Variants in VOPP1 observed in about 807,000 individuals in gnomAD.
VOPP1 encodes the protein VOPP1 WW domain binding protein.
A neutral mutation model predicts 23.5 loss-of-function variants in VOPP1; 8 were observed. That is an observed-to-expected ratio of 0.34 (90% CI 0.20 to 0.61). The LOEUF (loss-of-function observed/expected upper bound fraction) is 0.61. Ranked by LOEUF, VOPP1 falls within the 20% of genes least tolerant of loss-of-function variation. The pLI is 0.78. For missense variants in VOPP1, 174 were observed against 238.1 expected, an observed-to-expected ratio of 0.73 and a Z score of 1.77; for synonymous variants, 83 against 97.3, an observed-to-expected ratio of 0.85 and a Z score of 0.86.
At chr7:55,528,873 T>C (rs1796335320) in intron 1 of VOPP1, among the ~76,000 whole-genome samples, 1 of 152,086 alleles carries the variant, frequency 6.6e-6, no homozygotes, top group South Asian at 2.1e-4. Flanking sequence ...TCATGGAAAA[T>C]GTTTATGTCA....
intron 1 of VOPP1, among the ~76,000 whole-genome samples, chr7:55,530,258 T>C (rs1796425193): frequency 6.6e-6 from 1 of 152,160 alleles, no homozygotes; most frequent in Admixed American, 6.5e-5. Context: ...CTAACACTTA[T>C]TATCTGTTTT....
chr7:55,539,840 A>G (rs189832541), intron 1 of VOPP1, among the ~76,000 whole-genome samples: 3 of 152,130 alleles, frequency 2.0e-5, no homozygotes, highest in African/African-American at 7.2e-5. Flanking sequence ...ATATATACAC[A>G]CATACACGCA....
chr7:55,468,166 G>A (rs1791678977), downstream of VOPP1, among the ~76,000 whole-genome samples: 1 of 151,820 alleles, frequency 6.6e-6, no homozygotes, highest in Non-Finnish European at 1.5e-5. Flanking sequence ...AGCTAGTCAG[G>A]AGGCTGAGGC....
At chr7:55,499,470 C>T (rs1289213368) in intron 2 of VOPP1, among the ~76,000 whole-genome samples, 1 of 152,202 alleles carries the variant, frequency 6.6e-6, no homozygotes, top group East Asian at 1.9e-4. Flanking sequence ...CTGCTCTGTG[C>T]TTTCCTGAGG....
At chr7:55,538,471 G>C (rs1796938888) in intron 1 of VOPP1, 4 of 623,404 alleles carry the variant, frequency 6.4e-6, no homozygotes, top group African/African-American at 3.7e-5. Flanking sequence ...CTAAACACAA[G>C]CCCTTCCTGC....
At chr7:55,487,250 C>G (rs1250111156) in intron 4 of VOPP1, among the ~76,000 whole-genome samples, 1 of 152,152 alleles carries the variant, frequency 6.6e-6, no homozygotes, top group Non-Finnish European at 1.5e-5. Flanking sequence ...AATGAACAGT[C>G]AGAAACCTAT....
At chr7:55,453,808 C>T (rs1791300525) in intron 4 of VOPP1, among the ~76,000 whole-genome samples, 1 of 152,112 alleles carries the variant, frequency 6.6e-6, no homozygotes, top group African/African-American at 2.4e-5. Context: ...AGGGTTGTCA[C>T]AAACTTTCAA....
intron 1 of VOPP1, among the ~76,000 whole-genome samples, chr7:55,560,649 A>G (rs1797955146): frequency 6.6e-6 from 1 of 152,166 alleles, no homozygotes. Context: ...AGGGAAGATA[A>G]TAAATCTGGA....
At chr7:55,492,196 G>A in intron 4 of VOPP1, 86 bp downstream of exon 4, 1 of 1,483,374 alleles carries the variant, frequency 6.7e-7, no homozygotes, top group Non-Finnish European at 9.0e-7. Flanking sequence ...TCTTCTGGCA[G>A]TACCCTTTCT....
chr7:55,488,960 G>A (rs1261243262), intron 4 of VOPP1, among the ~76,000 whole-genome samples: 2 of 152,186 alleles, frequency 1.3e-5, no homozygotes, highest in Non-Finnish European at 2.9e-5. Flanking sequence ...ACTCTGTGTG[G>A]CCCTCCTCTC....
At chr7:55,483,683 C>G (rs1792911463) in intron 4 of VOPP1, among the ~76,000 whole-genome samples, 1 of 152,230 alleles carries the variant, frequency 6.6e-6, no homozygotes, top group Non-Finnish European at 1.5e-5. Flanking sequence ...GTTACTTTCC[C>G]ATGTCATGCT....
chr7:55,532,540 A>G (rs533251652), intron 1 of VOPP1, among the ~76,000 whole-genome samples: 1 of 152,354 alleles, frequency 6.6e-6, no homozygotes, highest in African/African-American at 2.4e-5. Context: ...TTGTGTCTCT[A>G]TGGAGAGTGA....
chr7:55,536,715 C>T (rs1466263772), intron 1 of VOPP1, among the ~76,000 whole-genome samples: 2 of 152,128 alleles, frequency 1.3e-5, no homozygotes, highest in Non-Finnish European at 2.9e-5. Context: ...GATATAAAAA[C>T]AACTCGTGTT....
downstream of VOPP1, among the ~76,000 whole-genome samples, chr7:55,435,514 C>T (rs939326661): frequency 2.0e-5 from 3 of 152,182 alleles, no homozygotes; most frequent in South Asian, 2.1e-4. Context: ...CTGTCAGCCT[C>T]TTCTCTGCTT....
intron 1 of VOPP1, among the ~76,000 whole-genome samples, chr7:55,551,740 T>C (rs931973355): frequency 2.0e-5 from 3 of 151,964 alleles, no homozygotes; most frequent in African/African-American, 7.3e-5. Context: ...AATTATCAAA[T>C]ACAAAATACA....
At chr7:55,498,458 G>T (rs1794135303) in intron 2 of VOPP1, among the ~76,000 whole-genome samples, 1 of 94,738 alleles carries the variant, frequency 1.1e-5, no homozygotes, top group South Asian at 3.2e-4. Flanking sequence ...CTCAGGTGAG[G>T]CACTCGGTGC....
At chr7:55,555,300 A>G (rs1296316357) in intron 1 of VOPP1, among the ~76,000 whole-genome samples, 2 of 152,166 alleles carry the variant, frequency 1.3e-5, no homozygotes, top group Non-Finnish European at 2.9e-5. Context: ...CCCCAGCTCA[A>G]TCGCTGGCCC....
At chr7:55,524,398 T>C (rs1214735064) in intron 1 of VOPP1, among the ~76,000 whole-genome samples, 1 of 152,256 alleles carries the variant, frequency 6.6e-6, no homozygotes, top group Admixed American at 6.5e-5. Context: ...CTCCATTTTG[T>C]TGCTGCTGAA....
In VOPP1 at chr7:55,480,308, C is replaced by T. The variant is rs553729542; in HGVS notation, c.329-7263G>A. 2.9e-4 allele frequency among the ~76,000 whole-genome samples: 44 copies of T among 152,310 alleles called. No homozygotes were observed. The South Asian group carries it at 8.1e-3, about 28-fold the overall frequency. On this transcript the variant is annotated intron_variant, in intron 4 of 4. Transcript: ENST00000285279. The stretch of plus-strand genomic sequence containing the variant: ...GTTATTGAAATTTTCAATGTCTTTA[C>T]GCACTTTGGTATCATAAAGTACTTA...
Sources: gnomAD v4.1 joint callset for allele counts (sites outside exome capture counted in the v4.1 genomes callset) on GRCh38, gnomAD v4.1.1 for gene constraint, MANE v1.5 for transcripts, NCBI Gene and HGNC (gene_info 2026-07-23, HGNC 2026-07-21) for gene names.